The following TEX11 variants were observed in gnomAD, a reference collection of about 807,000 sequenced individuals.
The protein encoded by TEX11 is testis-expressed protein 11.
TEX11 carries 7 observed loss-of-function variants against 84.4 expected under a neutral mutation model. The observed-to-expected ratio is 0.08, with a 90% CI of 0.05 to 0.16. TEX11 has a LOEUF of 0.16. Ranked by LOEUF, TEX11 falls within the 10% of genes least tolerant of loss-of-function variation. The pLI is 1.00. For synonymous variants in TEX11, 264 were observed against 222.8 expected, an observed-to-expected ratio of 1.18 and a Z score of -1.64; for missense variants, 551 against 660.5, an observed-to-expected ratio of 0.83 and a Z score of 1.82.
intron 25 of TEX11, among the ~76,000 whole-genome samples, chrX:70,556,672 T>A (rs746326378): frequency 9.0e-6 from 1 of 111,642 alleles, no homozygotes; most frequent in African/African-American, 3.3e-5. Context: ...GTCTTCTACA[T>A]CTTTATTGAG....
Position 70,648,044 on chromosome X carries a change from A to G in TEX11, c.1483+3406T>C, listed in dbSNP as rs763899680. Among the ~76,000 whole-genome samples the G allele has an allele frequency of 6.2e-5, 7 of 112,387 alleles. No individual in the cohort carries two copies. In the East Asian group the frequency reaches 2.0e-3, roughly 31 times the overall value. On this transcript the variant is annotated intron_variant, in intron 17 of 29. Coordinates refer to ENST00000374333, the MANE Select transcript of TEX11 (RefSeq NM_031276.3). ...TCCATCAATGATAGACTGGATTAAG[A>G]AAATGTGGCACATATACACCATGGA...
chrX:70,681,547 A>G (rs1218885001), intron 14 of TEX11, among the ~76,000 whole-genome samples: 1 of 112,337 alleles, frequency 8.9e-6, no homozygotes, highest in Non-Finnish European at 1.9e-5. Context: ...CTTGAGGTCA[A>G]CATTAACAAC....
chrX:70,655,823 C>T (rs978370702), intron 16 of TEX11, among the ~76,000 whole-genome samples: 5 of 110,480 alleles, frequency 4.5e-5, no homozygotes, highest in Non-Finnish European at 7.6e-5. Flanking sequence ...TTTGTTATAG[C>T]ATCCCTAGGA....
At chrX:70,683,702 G>C (rs1434517085) in intron 13 of TEX11, among the ~76,000 whole-genome samples, 2 of 111,365 alleles carry the variant, frequency 1.8e-5, no homozygotes, top group African/African-American at 6.5e-5. Context: ...CTTTGCTCAA[G>C]GGACCCCAAA....
intron 2 of TEX11, among the ~76,000 whole-genome samples, chrX:70,885,888 CA>C (rs780384460): frequency 2.2e-3 from 93 of 41,384 alleles, no homozygotes; most frequent in Admixed American, 4.4e-3. Context: ...GACACTGCCA[CA>C]AAAAAAAAAA....
At position 70,629,556 on chromosome X, in the gene TEX11, G is replaced by A. The variant is rs934736727; in HGVS notation, c.1608+55C>T. 2.6e-6 allele frequency: 3 copies of A among 1,144,120 alleles called. No homozygotes were observed. In the African/African-American group the frequency reaches 5.4e-5, roughly 21 times the overall value. 94.3% of individuals were successfully genotyped at this position (1,144,120 alleles called of 1,213,427 possible). A position where few individuals can be genotyped will look rare whatever the true frequency, so the allele number is the denominator to read the frequency against. ...CTAACTGATAATGATTCTATTAATT[G>A]TCTTTCAAAAAGGAAAAGGGATAAA... On this transcript the variant is annotated intron_variant, in intron 18 of 29. Transcript: ENST00000374333.
At chrX:70,639,923 G>T (rs141352749) in intron 17 of TEX11, among the ~76,000 whole-genome samples, 9,819 of 111,738 alleles carry the variant, frequency 0.088, 930 homozygotes, top group African/African-American at 0.28. Context: ...GACGGAGAAG[G>T]ACTTTGACGA....
At chrX:70,842,584 C>G (rs1200884128) in intron 7 of TEX11, among the ~76,000 whole-genome samples, 1 of 111,775 alleles carries the variant, frequency 8.9e-6, no homozygotes, top group Non-Finnish European at 1.9e-5. Context: ...GACAGGGATG[C>G]CCTCTCTCAC....
At chrX:70,563,993 C>T (rs1220000696) in intron 25 of TEX11, among the ~76,000 whole-genome samples, 1 of 112,096 alleles carries the variant, frequency 8.9e-6, no homozygotes, top group Non-Finnish European at 1.9e-5. Context: ...CTTTGGGAGG[C>T]CGAGGCGGGC....
At chrX:70,640,804 G>A (rs1463401786) in intron 17 of TEX11, among the ~76,000 whole-genome samples, 3 of 110,890 alleles carry the variant, frequency 2.7e-5, no homozygotes, top group African/African-American at 6.6e-5. Context: ...GGTACCAGCT[G>A]CTGCAAAATC....
At chrX:70,650,958 T>G (rs1449088965) in intron 17 of TEX11, among the ~76,000 whole-genome samples, 1 of 111,534 alleles carries the variant, frequency 9.0e-6, no homozygotes, top group Admixed American at 9.5e-5. Context: ...GGGATGAGGG[T>G]CATGTGTGAA....
chrX:70,630,285 C>T (rs1231540767), intron 17 of TEX11, among the ~76,000 whole-genome samples: 2 of 100,675 alleles, frequency 2.0e-5, no homozygotes, highest in Non-Finnish European at 4.0e-5. Flanking sequence ...GCACTCTAGC[C>T]TGGGTGACAG....
chrX:70,830,507 C>A (rs2091371622), intron 8 of TEX11, among the ~76,000 whole-genome samples: 1 of 111,899 alleles, frequency 8.9e-6, no homozygotes, highest in Non-Finnish European at 1.9e-5. Context: ...AGGAAACAAT[C>A]AACAGAGTGA....
chrX:70,754,585 C>T (rs756570983), intron 9 of TEX11, among the ~76,000 whole-genome samples: 1 of 111,538 alleles, frequency 9.0e-6, no homozygotes, highest in East Asian at 2.8e-4. Context: ...GACTATAGAG[C>T]CCCACAGTCT....
Position 70,554,772 on chromosome X carries a change from T to C in TEX11, c.2169A>G (p.Lys723=). The change falls in exon 26 of 30, where the codon AAA becomes AAG. Residue 723 remains lysine, a synonymous_variant. Transcript: ENST00000374333. ...CTTCAAACTCGTACAGCAGAAGCAATTTCTCACATGAATCATTTGAGAAGG... is the reference window on the plus strand; with the variant it reads ...CTTCAAACTCGTACAGCAGAAGCAACTTCTCACATGAATCATTTGAGAAGG... ...TGTFSNDSCE[K]LLLLYEFEVR... The C allele has an allele frequency of 8.3e-7, 1 of 1,207,603 alleles. No individual in the cohort carries two copies. The highest frequency in any genetic ancestry group is 1.1e-6 in the Non-Finnish European group (1 of 894,029).
At chrX:70,528,139 T>C (rs1233305022), downstream of TEX11, among the ~76,000 whole-genome samples, 3 of 111,506 alleles carry the variant, frequency 2.7e-5, no homozygotes, top group Non-Finnish European at 3.8e-5. Context: ...AGAAAAAGCC[T>C]GGAGGACAAA....
intron 2 of TEX11, among the ~76,000 whole-genome samples, chrX:70,898,331 A>G (rs1259450412): frequency 8.9e-6 from 1 of 112,334 alleles, no homozygotes; most frequent in Non-Finnish European, 1.9e-5. Flanking sequence ...GAATATAGGA[A>G]TAGCAGGATA....
intron 25 of TEX11, among the ~76,000 whole-genome samples, chrX:70,573,545 A>C (rs2088633766): frequency 1.8e-5 from 2 of 111,283 alleles, no homozygotes; most frequent in African/African-American, 6.5e-5. Context: ...GCTGATCTCA[A>C]AACTTTCATC....
intron 11 of TEX11, among the ~76,000 whole-genome samples, chrX:70,732,301 C>G (rs1463882196): frequency 9.0e-6 from 1 of 111,236 alleles, no homozygotes; most frequent in East Asian, 2.8e-4. Flanking sequence ...AAGTTCTGGC[C>G]GGGGCAATCA....
Sources: allele counts gnomAD v4.1 joint callset (sites outside exome capture counted in the v4.1 genomes callset), GRCh38; gene constraint gnomAD v4.1.1; transcripts MANE v1.5; gene names NCBI Gene and HGNC (gene_info 2026-07-23, HGNC 2026-07-21).